The following GABRG3 variants were observed in gnomAD, a reference collection of about 807,000 sequenced individuals.
The protein encoded by GABRG3 is gamma-aminobutyric acid receptor subunit gamma-3.
In GABRG3, 25 loss-of-function variants were observed where a neutral mutation model predicts 48.8. That is an observed-to-expected ratio of 0.51 (90% CI 0.37 to 0.72). The LOEUF is 0.72. GABRG3 is among the 30% of genes least tolerant of loss of function. The pLI is 0.00. For synonymous variants in GABRG3, 227 were observed against 217.6 expected, an observed-to-expected ratio of 1.04 and a Z score of -0.38; for missense variants, 394 against 577.9, an observed-to-expected ratio of 0.68 and a Z score of 3.26.
At chr15:27,261,805 A>G (rs1278364399) in intron 3 of GABRG3, among the ~76,000 whole-genome samples, 1 of 152,122 alleles carries the variant, frequency 6.6e-6, no homozygotes, top group African/African-American at 2.4e-5. Context: ...ATGCTTTTAC[A>G]TTGTTACACT....
chr15:27,042,984 A>G (rs1896303977), intron 3 of GABRG3, among the ~76,000 whole-genome samples: 1 of 152,200 alleles, frequency 6.6e-6, no homozygotes, highest in Non-Finnish European at 1.5e-5. Context: ...GGGGCCTTGT[A>G]TCCCTTTCTC....
At chr15:27,047,481 A>T (rs1896384123) in intron 3 of GABRG3, among the ~76,000 whole-genome samples, 1 of 152,240 alleles carries the variant, frequency 6.6e-6, no homozygotes, top group Admixed American at 6.5e-5. Flanking sequence ...ATATGTGTTC[A>T]TGATTCTTGG....
intron 3 of GABRG3, among the ~76,000 whole-genome samples, chr15:27,037,318 G>A (rs1187048880): frequency 2.0e-5 from 3 of 152,202 alleles, no homozygotes; most frequent in Non-Finnish European, 4.4e-5. Context: ...ATATATAAGA[G>A]ATTCTGTAAG....
At position 27,327,874 on chromosome 15, in the gene GABRG3, C is replaced by G. The variant is rs545742356; in HGVS notation, c.491+845C>G. ...CTCTTTCTGCCTCAGGGCTTGACCC[C>G]TGTCACTTTACTCTCCTTACCCATC... On this transcript the variant is annotated intron_variant, in intron 4 of 9. Coordinates refer to ENST00000615808, the MANE Select transcript of GABRG3 (RefSeq NM_033223.5). 2.4e-4 allele frequency among the ~76,000 whole-genome samples: 37 copies of G among 152,266 alleles called. 1 individual carries two copies. In the South Asian group the frequency reaches 6.8e-3, roughly 28 times the overall value.
intron 3 of GABRG3, among the ~76,000 whole-genome samples, chr15:27,274,141 C>G (rs1193048082): frequency 6.6e-6 from 1 of 152,142 alleles, no homozygotes; most frequent in East Asian, 1.9e-4. Context: ...ACAGCCTTCA[C>G]TTATGTATTG....
chr15:27,034,406 GA>G (rs1896140169), intron 3 of GABRG3, among the ~76,000 whole-genome samples: 1 of 152,124 alleles, frequency 6.6e-6, no homozygotes, highest in South Asian at 2.1e-4. Flanking sequence ...AAAAAGAAGT[GA>G]AAAATAATAC....
chr15:27,228,370 G>A (rs985439791), intron 3 of GABRG3, among the ~76,000 whole-genome samples: 4 of 152,152 alleles, frequency 2.6e-5, no homozygotes. Context: ...CCAGCTCCAT[G>A]CATGTTCCCG....
intron 2 of GABRG3, among the ~76,000 whole-genome samples, chr15:27,003,441 C>T (rs1895498957): frequency 6.6e-6 from 1 of 150,996 alleles, no homozygotes; most frequent in South Asian, 2.1e-4. Flanking sequence ...AGCATGCTGC[C>T]TTCAAGCATC....
intron 3 of GABRG3, among the ~76,000 whole-genome samples, chr15:27,223,543 C>CA (rs11416611): frequency 0.34 from 51,886 of 151,630 alleles, 11,968 homozygotes; most frequent in African/African-American, 0.65. Flanking sequence ...AAAGGCATTA[C>CA]AAAAAAAATG....
At chr15:27,220,398 T>C (rs1889411131) in intron 3 of GABRG3, among the ~76,000 whole-genome samples, 1 of 152,150 alleles carries the variant, frequency 6.6e-6, no homozygotes, top group Admixed American at 6.5e-5. Context: ...GTGATTGTCA[T>C]GTGGTGTTAT....
At chr15:27,069,978 G>C (rs1163345374) in intron 3 of GABRG3, among the ~76,000 whole-genome samples, 1 of 152,196 alleles carries the variant, frequency 6.6e-6, no homozygotes, top group South Asian at 2.1e-4. Context: ...TCCATTGGAA[G>C]ACAATGCAAG....
At chr15:27,509,015 G>A (rs966121135) in intron 6 of GABRG3, among the ~76,000 whole-genome samples, 6 of 151,914 alleles carry the variant, frequency 3.9e-5, no homozygotes, top group Middle Eastern at 3.2e-3. Context: ...CACCGTGCCC[G>A]GCTGAATTCC....
At chr15:27,513,449 CA>C (rs368762091) in intron 6 of GABRG3, among the ~76,000 whole-genome samples, 2 of 133,506 alleles carry the variant, frequency 1.5e-5, no homozygotes, top group East Asian at 2.2e-4. Context: ...GACTCCGTCT[CA>C]AAAAAAAAGA....
At chr15:27,096,010 A>G (rs889602156) in intron 3 of GABRG3, among the ~76,000 whole-genome samples, 3 of 152,100 alleles carry the variant, frequency 2.0e-5, no homozygotes, top group African/African-American at 7.2e-5. Context: ...CAGCCACCAT[A>G]TGGTCAGCCT....
intron 3 of GABRG3, among the ~76,000 whole-genome samples, chr15:27,103,314 C>CAGTT (rs1242724182): frequency 8.5e-5 from 13 of 152,152 alleles, no homozygotes; most frequent in Admixed American, 8.5e-4. Flanking sequence ...AAACCCTTTG[C>CAGTT]AGTTGGAGGC....
In GABRG3 at chr15:27,306,428, CAT is replaced by C. The variant is rs201494794; in HGVS notation, c.271-20377_271-20376del. ...TAATATAAACATGTCTACATGTAAACATATAATACGAACATATGTCTACATAT... is the reference window on the plus strand; with the variant it reads ...TAATATAAACATGTCTACATGTAAACATAATACGAACATATGTCTACATAT... On this transcript the variant is annotated intron_variant, in intron 3 of 9. Coordinates refer to ENST00000615808, the MANE Select transcript of GABRG3 (RefSeq NM_033223.5). Among the ~76,000 whole-genome samples the C allele has an allele frequency of 8.2e-3, 1,137 of 138,230 alleles. 51 individuals carry two copies. The highest frequency in any genetic ancestry group is 0.021 in the African/African-American group (798 of 37,758). The allele number at this position is 138,230 out of a possible 152,430, so 90.7% of individuals were successfully genotyped here.
At chr15:27,136,480 C>G (rs1255911555) in intron 3 of GABRG3, among the ~76,000 whole-genome samples, 3 of 151,978 alleles carry the variant, frequency 2.0e-5, no homozygotes, top group Non-Finnish European at 2.9e-5. Context: ...GTGCTTAATC[C>G]ATGTATCTTC....
At chr15:26,978,597 C>T (rs1894994452) in intron 2 of GABRG3, among the ~76,000 whole-genome samples, 1 of 152,176 alleles carries the variant, frequency 6.6e-6, no homozygotes, top group Non-Finnish European at 1.5e-5. Flanking sequence ...CCTTCCTTGA[C>T]TGAATTGCTT....
At chr15:27,194,237 A>G (rs1047365820) in intron 3 of GABRG3, among the ~76,000 whole-genome samples, 3 of 152,224 alleles carry the variant, frequency 2.0e-5, no homozygotes, top group Admixed American at 1.3e-4. Flanking sequence ...TATTTCCTGT[A>G]TATACGTTGA....
Sources: allele counts gnomAD v4.1 joint callset (sites outside exome capture counted in the v4.1 genomes callset), GRCh38; gene constraint gnomAD v4.1.1; transcripts MANE v1.5; gene names NCBI Gene and HGNC (gene_info 2026-07-23, HGNC 2026-07-21).